The following CHSY1 variants were observed in gnomAD, a reference collection of about 807,000 sequenced individuals.
CHSY1 encodes the protein chondroitin sulfate synthase 1.
Under a neutral mutation model 59.8 loss-of-function variants are expected in CHSY1, and 13 were observed. The ratio of observed to expected loss-of-function variants is 0.22; its 90% CI spans 0.14 to 0.35. CHSY1 has a LOEUF of 0.35. CHSY1 is among the 10% of genes least tolerant of loss of function. The pLI is 1.00. For synonymous variants in CHSY1, 459 were observed against 401.2 expected, an observed-to-expected ratio of 1.14 and a Z score of -1.72; for missense variants, 947 against 1,030.6, an observed-to-expected ratio of 0.92 and a Z score of 1.11.
chr15:101,202,138 A>G (rs1351258312), intron 2 of CHSY1, among the ~76,000 whole-genome samples: 1,332 of 124,754 alleles, frequency 0.011, no homozygotes, highest in Middle Eastern at 0.024. Flanking sequence ...GGCTGCAGGG[A>G]AGGATGGAGG....
chr15:101,183,948 C>G (rs966841612), intron 2 of CHSY1, among the ~76,000 whole-genome samples: 1 of 152,168 alleles, frequency 6.6e-6, no homozygotes, highest in Non-Finnish European at 1.5e-5. Flanking sequence ...TGTTTTAAAA[C>G]GCAAAAATCA....
At chr15:101,218,015 T>C (rs1023770166) in intron 2 of CHSY1, among the ~76,000 whole-genome samples, 1 of 152,206 alleles carries the variant, frequency 6.6e-6, no homozygotes, top group Non-Finnish European at 1.5e-5. Flanking sequence ...TATGATGTGA[T>C]GGAAATGGCA....
intron 2 of CHSY1, among the ~76,000 whole-genome samples, chr15:101,223,151 G>A (rs559895778): frequency 6.6e-6 from 1 of 152,160 alleles, no homozygotes; most frequent in African/African-American, 2.4e-5. Flanking sequence ...CCACCACCAC[G>A]CCCGGCTAAT....
At chr15:101,227,387 A>AG (rs1457354370) in intron 2 of CHSY1, among the ~76,000 whole-genome samples, 1 of 152,176 alleles carries the variant, frequency 6.6e-6, no homozygotes, top group Non-Finnish European at 1.5e-5. Flanking sequence ...GGAAGGGGAT[A>AG]GGGGGCTGGT....
chr15:101,221,001 C>T (rs182990034), intron 2 of CHSY1, among the ~76,000 whole-genome samples: 2 of 152,216 alleles, frequency 1.3e-5, no homozygotes, highest in Admixed American at 1.3e-4. Context: ...CTCCATCAGT[C>T]GGCCGCCTTA....
intron 2 of CHSY1, among the ~76,000 whole-genome samples, chr15:101,204,979 T>C (rs117528412): frequency 0.047 from 7,167 of 152,146 alleles, 241 homozygotes; most frequent in Middle Eastern, 0.1. Flanking sequence ...TAGTAACTAA[T>C]TTTTCGCAAT....
intron 2 of CHSY1, among the ~76,000 whole-genome samples, chr15:101,218,527 A>G (rs574783510): frequency 1.2e-4 from 19 of 152,326 alleles, no homozygotes; most frequent in Non-Finnish European, 2.2e-4. Flanking sequence ...ATGCAGGAGA[A>G]TCGCTTGAAC....
intron 2 of CHSY1, among the ~76,000 whole-genome samples, chr15:101,193,991 C>T (rs970396957): frequency 6.6e-6 from 1 of 152,252 alleles, no homozygotes; most frequent in Non-Finnish European, 1.5e-5. Flanking sequence ...CCACCTTCTT[C>T]CTCCATGTGC....
At chr15:101,221,855 C>T (rs746625248) in intron 2 of CHSY1, among the ~76,000 whole-genome samples, 2 of 151,196 alleles carry the variant, frequency 1.3e-5, no homozygotes, top group African/African-American at 2.4e-5. Flanking sequence ...GAAGTAATTG[C>T]TAGACATCCA....
intron 1 of CHSY1, among the ~76,000 whole-genome samples, chr15:101,246,502 A>G (rs868323319): frequency 9.2e-5 from 14 of 152,214 alleles, no homozygotes; most frequent in Admixed American, 3.9e-4. Flanking sequence ...TTAAAATATT[A>G]TTCAACCTCC....
At chr15:101,185,074 T>G (rs1346968584) in intron 2 of CHSY1, among the ~76,000 whole-genome samples, 1 of 152,104 alleles carries the variant, frequency 6.6e-6, no homozygotes, top group African/African-American at 2.4e-5. Flanking sequence ...GGGCTTCGGG[T>G]GGTGCCCTTC....
At chr15:101,179,507 C>T (rs1196851554) in intron 2 of CHSY1, among the ~76,000 whole-genome samples, 4 of 152,182 alleles carry the variant, frequency 2.6e-5, no homozygotes, top group Admixed American at 6.5e-5. Context: ...AGGCAGGAGG[C>T]GGCCTGGCCC....
rs1429556062 is a variant in CHSY1, at chr15:101,211,519, T to C, written c.816+23563A>G. 3.9e-5 allele frequency among the ~76,000 whole-genome samples: 6 copies of C among 152,128 alleles called. No homozygotes were observed. The South Asian group carries it at 1.2e-3, about 32-fold the overall frequency. ...ATGTAACTAGAGACCCAGAAACAGA[T>C]GCAAAAATGGGACAGAAGCAATATT... On this transcript the variant is annotated intron_variant, in intron 2 of 2. Coordinates refer to ENST00000254190, the MANE Select transcript of CHSY1 (RefSeq NM_014918.5).
chr15:101,181,770 G>A (rs954492518), intron 2 of CHSY1, among the ~76,000 whole-genome samples: 2 of 152,144 alleles, frequency 1.3e-5, no homozygotes, highest in Admixed American at 6.5e-5. Context: ...CAAATACAGT[G>A]GATCCTTGAA....
At chr15:101,238,751 A>C (rs1286731690) in intron 1 of CHSY1, among the ~76,000 whole-genome samples, 3 of 152,250 alleles carry the variant, frequency 2.0e-5, no homozygotes, top group African/African-American at 7.2e-5. Context: ...AATAACAACA[A>C]AAAACAAATT....
rs2038529735 is a variant in CHSY1 at position 101,198,200 on chromosome 15, C to T, written c.817-19220G>A. 3.3e-5 allele frequency among the ~76,000 whole-genome samples: 5 copies of T among 152,132 alleles called. No individual in the cohort carries two copies. The South Asian group carries it at 1.0e-3, about 32-fold the overall frequency. On this transcript the variant is annotated intron_variant, in intron 2 of 2. Transcript: ENST00000254190. The stretch of plus-strand genomic sequence containing the variant: ...GAGCTCTGTGTCTCCAGGCTCTTTC[C>T]TCTCCTGCAGCTGTCTGTCACCTAA...
rs2038191196 is a variant in CHSY1 at position 101,176,545 on chromosome 15, C to T, written c.*843G>A. ...CCGAATGAACTACCACGAGAACAGC[C>T]ACATACCTCACTGTGCCTTCTTCAC... On this transcript the variant is annotated 3_prime_UTR_variant, in exon 3 of 3. Transcript: ENST00000254190. 1 of 397,000 alleles carries T rather than the reference C, an allele frequency of 2.5e-6. No homozygotes were observed. The highest frequency in any genetic ancestry group is 6.3e-4 in the Middle Eastern group (1 of 1,582). The allele number at this position is 397,000 out of a possible 1,614,324, so 24.6% of individuals were successfully genotyped here. A position where few individuals can be genotyped will look rare whatever the true frequency, so the allele number is the denominator to read the frequency against.
chr15:101,193,816 G>A (rs554303384), intron 2 of CHSY1, among the ~76,000 whole-genome samples: 79 of 152,326 alleles, frequency 5.2e-4, no homozygotes, highest in African/African-American at 1.9e-3. Context: ...CCAGGAGAGT[G>A]TGCATCTTCA....
At chr15:101,183,317 AAACT>A (rs2038307024) in intron 2 of CHSY1, among the ~76,000 whole-genome samples, 1 of 152,228 alleles carries the variant, frequency 6.6e-6, no homozygotes, top group Non-Finnish European at 1.5e-5. Context: ...TCCAGTATAA[AAACT>A]ACAGGAAAAA....
Sources: allele counts gnomAD v4.1 joint callset (sites outside exome capture counted in the v4.1 genomes callset), GRCh38; gene constraint gnomAD v4.1.1; transcripts MANE v1.5; gene names NCBI Gene and HGNC (gene_info 2026-07-23, HGNC 2026-07-21).